POC1B: variants seen among roughly 807,000 people sequenced by gnomAD.
POC1B encodes the protein POC1 centriolar protein B.
A neutral mutation model predicts 60.6 loss-of-function variants in POC1B; 44 were observed. The observed-to-expected ratio is 0.73, with a 90% CI of 0.57 to 0.93. POC1B has a LOEUF of 0.93. Ranked by LOEUF, POC1B falls within the 40% of genes least tolerant of loss-of-function variation. The pLI is 0.00. For synonymous variants in POC1B, 180 were observed against 198.9 expected, an observed-to-expected ratio of 0.90 and a Z score of 0.80; for missense variants, 555 against 572.3, an observed-to-expected ratio of 0.97 and a Z score of 0.31.
intron 4 of POC1B, among the ~76,000 whole-genome samples, chr12:89,482,900 T>C (rs1008586888): frequency 1.3e-5 from 2 of 151,262 alleles, no homozygotes; most frequent in Non-Finnish European, 2.9e-5. Context: ...AATTGAATCA[T>C]GGGGGTGGTT....
intron 4 of POC1B, chr12:89,485,181 T>C (rs1868563565): frequency 1.3e-5 from 2 of 152,202 alleles, no homozygotes; most frequent in African/African-American, 4.8e-5. Flanking sequence ...AGAGTGAAAA[T>C]AGGACTTCTA....
intron 10 of POC1B, among the ~76,000 whole-genome samples, chr12:89,430,506 T>C (rs1198651951): frequency 2.0e-5 from 3 of 152,172 alleles, no homozygotes; most frequent in Admixed American, 6.5e-5. Context: ...CAAAGGAATA[T>C]TCAAGATACT....
At position 89,421,004 on chromosome 12, in the gene POC1B, T is replaced by A; in HGVS notation, c.*149A>T. The A allele has an allele frequency of 1.8e-6, 1 of 547,304 alleles. No homozygotes were observed. The highest frequency in any genetic ancestry group is 3.1e-6 in the Non-Finnish European group (1 of 319,576). 33.9% of individuals were successfully genotyped at this position (547,304 alleles called of 1,614,324 possible). On this transcript the variant is annotated 3_prime_UTR_variant, in exon 12 of 12. Transcript: ENST00000313546. The stretch of plus-strand genomic sequence containing the variant: ...AGTCCTTAGGTATGCCTTTTCTGCC[T>A]TTTGTTCTGTTGCTCACCCTTTTAA...
rs1258854709 is a variant in POC1B, at chr12:89,513,698, G to A, written c.100+11422C>T. ...AACCCCCAGGCTGCGAACTGGTTCT[G>A]GTCCATGGCCTATTAGGAACTGGGC... On this transcript the variant is annotated intron_variant, in intron 2 of 11. Coordinates refer to ENST00000313546, the MANE Select transcript of POC1B (RefSeq NM_172240.3). Among the ~76,000 whole-genome samples, 8 of 152,256 alleles carry A rather than the reference G, an allele frequency of 5.3e-5. 1 individual carries two copies. Among genetic ancestry groups the A allele is most frequent in the Non-Finnish European group, 2.9e-5 (2 of 68,022 alleles).
intron 11 of POC1B, among the ~76,000 whole-genome samples, chr12:89,424,491 C>T (rs565561093): frequency 9.9e-5 from 15 of 152,198 alleles, no homozygotes; most frequent in African/African-American, 3.6e-4. Context: ...TGCTACTGTC[C>T]ACTCTGACAA....
chr12:89,464,824 A>T (rs1882625723), intron 9 of POC1B, among the ~76,000 whole-genome samples: 1 of 151,596 alleles, frequency 6.6e-6, no homozygotes, highest in Non-Finnish European at 1.5e-5. Context: ...AAAAAGAAAC[A>T]ATTACAACAA....
intron 4 of POC1B, among the ~76,000 whole-genome samples, chr12:89,474,687 A>G (rs1485320712): frequency 6.6e-6 from 1 of 152,198 alleles, no homozygotes; most frequent in Non-Finnish European, 1.5e-5. Context: ...TTGTTTCCAC[A>G]GCCAAATCTC....
Position 89,430,577 on chromosome 12 carries a change from C to G in POC1B, c.1114-5198G>C, listed in dbSNP as rs151012613. ...TATCTACTCCCCTTCCTCCTTTCCT[C>G]TTCTCTCCTTCTACCACCACCCTTT... On this transcript the variant is annotated intron_variant, in intron 10 of 11. Transcript: ENST00000313546. Among the ~76,000 whole-genome samples the G allele has an allele frequency of 2.4e-3, 369 of 152,292 alleles. 2 individuals are homozygous for G. The highest frequency in any genetic ancestry group is 8.6e-3 in the African/African-American group (357 of 41,556).
At chr12:89,460,055 GA>G in intron 9 of POC1B, 1 of 382,046 alleles carries the variant, frequency 2.6e-6, no homozygotes, top group East Asian at 7.3e-5. Flanking sequence ...AGTTCAGTAA[GA>G]AAAGGAAATA....
intron 2 of POC1B, chr12:89,524,065 G>A: frequency 6.2e-7 from 1 of 1,613,792 alleles, no homozygotes; most frequent in Non-Finnish European, 8.5e-7. Flanking sequence ...AACTGCAGGA[G>A]AAGTTTCTAA....
chr12:89,417,133 C>T (rs750939038), downstream of POC1B, among the ~76,000 whole-genome samples: 4 of 152,142 alleles, frequency 2.6e-5, no homozygotes, highest in African/African-American at 4.8e-5. Context: ...AACTAATCTT[C>T]AAGATTAAAA....
chr12:89,402,825 C>T, the POC1B span, among the ~76,000 whole-genome samples: 10 of 152,240 alleles, frequency 6.6e-5, no homozygotes, highest in South Asian at 2.1e-4. Context: ...CTGCAACCTT[C>T]GCCTCCCAGG....
At chr12:89,479,249 G>A (rs1883230852) in intron 4 of POC1B, among the ~76,000 whole-genome samples, 1 of 152,004 alleles carries the variant, frequency 6.6e-6, no homozygotes, top group Admixed American at 6.5e-5. Context: ...CTTGCATATA[G>A]ACTCCCTTTT....
intron 10 of POC1B, among the ~76,000 whole-genome samples, chr12:89,450,812 T>G (rs896488469): frequency 2.6e-5 from 4 of 152,208 alleles, no homozygotes; most frequent in African/African-American, 9.6e-5. Context: ...TAGAAATCTT[T>G]GTATGTATAT....
chr12:89,475,423 C>T (rs1458776182), intron 4 of POC1B, among the ~76,000 whole-genome samples: 4 of 152,162 alleles, frequency 2.6e-5, no homozygotes, highest in Non-Finnish European at 5.9e-5. Context: ...CTTCCCCCTG[C>T]TCTGGTCACT....
chr12:89,501,140 CAA>C, intron 2 of POC1B: 3 of 1,393,750 alleles, frequency 2.2e-6, no homozygotes, highest in Non-Finnish European at 3.1e-6. Flanking sequence ...GATAGAAAGT[CAA>C]GAGAAAAGCA....
chr12:89,472,229 T>C lies in POC1B; in HGVS notation c.499A>G (p.Thr167Ala). 1.2e-6 allele frequency: 2 copies of C among 1,608,294 alleles called. No individual in the cohort carries two copies. Among genetic ancestry groups the C allele is most frequent in the Non-Finnish European group, 1.7e-6 (2 of 1,175,248 alleles). ...TTTGTGGTATCCCAAATTTTAATAG[T>C]TTTATCCTCACTACATGACACAATT... ...RLIVSCSEDK[T>A]IKIWDTTNKQ... Residue 167 changes from threonine to alanine, a missense_variant, in exon 5 of 12, where the codon ACT becomes GCT. Thr to Ala is a moderately conservative substitution (Grantham distance 58, BLOSUM62 0). Transcript: ENST00000313546.
At chr12:89,488,343 G>T (rs768722365) in intron 4 of POC1B, among the ~76,000 whole-genome samples, 1 of 152,090 alleles carries the variant, frequency 6.6e-6, no homozygotes, top group Admixed American at 6.6e-5. Flanking sequence ...TATCCTCAGG[G>T]TTACATGGTC....
At chr12:89,493,700 A>C (rs1355101972) in intron 3 of POC1B, among the ~76,000 whole-genome samples, 1 of 152,222 alleles carries the variant, frequency 6.6e-6, no homozygotes, top group Non-Finnish European at 1.5e-5. Flanking sequence ...TAAGAGACAG[A>C]CCATCAGTAT....
Sources: gnomAD v4.1 joint callset for allele counts (sites outside exome capture counted in the v4.1 genomes callset) on GRCh38, gnomAD v4.1.1 for gene constraint, MANE v1.5 for transcripts, NCBI Gene and HGNC (gene_info 2026-07-23, HGNC 2026-07-21) for gene names.